Variants in NOVA2 observed in about 807,000 individuals in gnomAD.
NOVA2 encodes RNA-binding protein Nova-2.
Under a neutral mutation model 22.5 loss-of-function variants are expected in NOVA2, and 9 were observed. The observed-to-expected ratio is 0.40, with a 90% CI of 0.24 to 0.70. NOVA2 has a LOEUF of 0.70. Among genes scored for constraint, NOVA2 ranks in the 30% least tolerant of loss-of-function variants. The pLI is 0.38. For missense variants in NOVA2, 383 were observed against 682.8 expected (o/e 0.56, Z 4.89); for synonymous variants, 318 against 335.2 (o/e 0.95, Z 0.56).
At chr19:45,959,148 G>A (rs992857883) in intron 2 of NOVA2, among the ~76,000 whole-genome samples, 2 of 152,202 alleles carry the variant, frequency 1.3e-5, no homozygotes, top group African/African-American at 4.8e-5. Flanking sequence ...AGGGTGTCAC[G>A]CCAGGAGTGG....
At chr19:45,954,634 T>C (rs1600608714) in intron 2 of NOVA2, among the ~76,000 whole-genome samples, 1 of 151,714 alleles carries the variant, frequency 6.6e-6, no homozygotes, top group Non-Finnish European at 1.5e-5. Flanking sequence ...AGACTGCTCA[T>C]GGAGGAGTGA....
At position 45,939,793 on chromosome 19, in the gene NOVA2, G is replaced by C; in HGVS notation, c.*70C>G. ...CTACACCAAGCTGAGGTCAGGAGTT[G>C]GGGGGGAGGAGGAGAGGGAAGAGGA... On this transcript the variant is annotated 3_prime_UTR_variant, in exon 4 of 4. Coordinates refer to ENST00000263257, the MANE Select transcript of NOVA2 (RefSeq NM_002516.4). 6 of 1,570,500 alleles carry C rather than the reference G, an allele frequency of 3.8e-6. No homozygotes were observed. The South Asian group carries it at 5.7e-5, about 15-fold the overall frequency.
intron 1 of NOVA2, among the ~76,000 whole-genome samples, chr19:45,972,676 C>T (rs889798872): frequency 2.6e-5 from 4 of 152,226 alleles, no homozygotes; most frequent in African/African-American, 7.2e-5. Flanking sequence ...CACATACACA[C>T]ACACGCACAC....
intron 3 of NOVA2, among the ~76,000 whole-genome samples, chr19:45,946,263 C>T (rs1193904798): frequency 3.9e-5 from 6 of 152,094 alleles, no homozygotes; most frequent in African/African-American, 1.4e-4. Flanking sequence ...AATGGCATCA[C>T]TACACTCCAG....
intron 1 of NOVA2, among the ~76,000 whole-genome samples, chr19:45,969,322 T>C (rs1420377372): frequency 1.3e-5 from 2 of 151,572 alleles, no homozygotes; most frequent in Non-Finnish European, 2.9e-5. Context: ...CTGGGCAACA[T>C]AGCAAGACCC....
chr19:45,953,843 G>A lies in NOVA2; in HGVS notation c.333C>T (p.Thr111=). 1 of 1,614,224 alleles carries A rather than the reference G, an allele frequency of 6.2e-7. No individual in the cohort carries two copies. The highest frequency in any genetic ancestry group is 1.1e-5 in the South Asian group (1 of 91,084). ...EKVREIPQAM[T]KPEVVNILQP... Reference sequence around the variant, plus strand: ...GAAGGATGTTGACCACCTCAGGCTTGGTCATCGCTTGTGGGATTTCTCGGA... The same window carrying A: ...GAAGGATGTTGACCACCTCAGGCTTAGTCATCGCTTGTGGGATTTCTCGGA... The change falls in exon 3 of 4, where the codon ACC becomes ACT. Residue 111 remains threonine, a synonymous_variant. Coordinates refer to ENST00000263257, the MANE Select transcript of NOVA2 (RefSeq NM_002516.4).
chr19:45,953,112 G>A (rs1967950748), intron 3 of NOVA2, among the ~76,000 whole-genome samples: 2 of 152,212 alleles, frequency 1.3e-5, no homozygotes, highest in African/African-American at 4.8e-5. Flanking sequence ...AGCGCTGCCT[G>A]CAGCTTTGAG....
At chr19:45,948,599 C>CAAAAAAA (rs1227808626) in intron 3 of NOVA2, among the ~76,000 whole-genome samples, 7 of 72,600 alleles carry the variant, frequency 9.6e-5, no homozygotes, top group South Asian at 4.7e-4. Flanking sequence ...GACTCTGTCT[C>CAAAAAAA]AAAAAAAAAA....
intron 3 of NOVA2, among the ~76,000 whole-genome samples, chr19:45,945,959 C>A (rs1026504985): frequency 1.4e-5 from 2 of 139,388 alleles, no homozygotes; most frequent in Non-Finnish European, 3.0e-5. Context: ...GAGCCGAGAT[C>A]ATGCCACTGC....
chr19:45,964,694 G>A (rs1295629401), intron 1 of NOVA2, among the ~76,000 whole-genome samples: 1 of 151,848 alleles, frequency 6.6e-6, no homozygotes, highest in Non-Finnish European at 1.5e-5. Flanking sequence ...CCAAGTAGCT[G>A]GGACTACAGG....
Position 45,973,306 on chromosome 19 carries a change from G to A in NOVA2, c.46C>T (p.Pro16Ser). Reference sequence around the variant, plus strand: ...CGCTTGGTGCAGACCACCTCGGGGGGCGTTTCGAGGGGCCTCTTGCGGGAA... The same window carrying A: ...CGCTTGGTGCAGACCACCTCGGGGGACGTTTCGAGGGGCCTCTTGCGGGAA... ...PDSRKRPLET[P>S]PEVVCTKRSN... The change falls in exon 1 of 4, where the codon CCC becomes TCC. Residue 16 changes from proline (P) to serine (S), a missense_variant. This residue lies in a region of NOVA2 where 349 missense variants were observed against 578.1 expected (regional missense o/e 0.60). Coordinates refer to ENST00000263257, the MANE Select transcript of NOVA2 (RefSeq NM_002516.4). 7.5e-7 allele frequency: 1 copy of A among 1,335,298 alleles called. No individual in the cohort carries two copies. The highest frequency in any genetic ancestry group is 2.3e-5 in the South Asian group (1 of 44,052). 82.7% of individuals were successfully genotyped at this position (1,335,298 alleles called of 1,614,324 possible).
intron 1 of NOVA2, among the ~76,000 whole-genome samples, chr19:45,968,606 T>C (rs1968196057): frequency 2.0e-5 from 3 of 152,012 alleles, no homozygotes; most frequent in African/African-American, 7.3e-5. Context: ...ATGATGATGA[T>C]GATGATAGCG....
rs1967628092 is a variant in NOVA2 at position 45,934,224 on chromosome 19, G to A, written c.*5639C>T. On this transcript the variant is annotated 3_prime_UTR_variant, in exon 4 of 4. Coordinates refer to ENST00000263257, the MANE Select transcript of NOVA2 (RefSeq NM_002516.4). ...AGCCTGGAGAGGAGGCTACCTTAAG[G>A]TCCTAAGAAGGATTTAGCAATCGGT... 1 of 152,200 alleles carries A rather than the reference G, an allele frequency of 6.6e-6. No individual in the cohort carries two copies. Among genetic ancestry groups the A allele is most frequent in the Admixed American group, 6.5e-5 (1 of 15,268 alleles). 9.4% of individuals were successfully genotyped at this position (152,200 alleles called of 1,614,324 possible).
intron 1 of NOVA2, among the ~76,000 whole-genome samples, chr19:45,964,348 TTGTGTGTGTGTGTGTGTGTGTGTG>T (rs57818599): frequency 1.3e-4 from 16 of 119,570 alleles, no homozygotes; most frequent in East Asian, 5.0e-4. Flanking sequence ...CCCGGCTAAT[TTGTGTGTGTGTGTGTGTGTGTGTG>T]TGTGTGTGTG....
intron 1 of NOVA2, among the ~76,000 whole-genome samples, chr19:45,966,750 G>A (rs1230566960): frequency 6.6e-6 from 1 of 152,144 alleles, no homozygotes; most frequent in African/African-American, 2.4e-5. Context: ...GGAGGCACAT[G>A]CCTGTAATCC....
intron 3 of NOVA2, 43 bp from the exon 4 acceptor site, chr19:45,940,988 T>A (rs550762425): frequency 4.6e-5 from 69 of 1,505,410 alleles, no homozygotes; most frequent in South Asian, 2.3e-4. Context: ...TTTATTTTTT[T>A]AAAAAATTAA....
At chr19:45,944,475 C>A (rs1568662371) in intron 3 of NOVA2, among the ~76,000 whole-genome samples, 1 of 152,070 alleles carries the variant, frequency 6.6e-6, no homozygotes, top group Non-Finnish European at 1.5e-5. Context: ...AAAACAACAA[C>A]AAAGAAGCAA....
chr19:45,964,597 G>A (rs1305470990), intron 1 of NOVA2, among the ~76,000 whole-genome samples: 1 of 43,436 alleles, frequency 2.3e-5, no homozygotes, highest in African/African-American at 8.5e-5. Context: ...CTCTTTCTCT[G>A]TTGCCCAGGC....
At chr19:45,950,821 T>C (rs947719268) in intron 3 of NOVA2, among the ~76,000 whole-genome samples, 3 of 152,184 alleles carry the variant, frequency 2.0e-5, no homozygotes, top group Admixed American at 1.3e-4. Context: ...AACAGTTTAA[T>C]AGAGTAACTT....
Sources: allele counts gnomAD v4.1 joint callset (sites outside exome capture counted in the v4.1 genomes callset), GRCh38; gene constraint gnomAD v4.1.1; regional missense constraint gnomAD v4.1.1; transcripts MANE v1.5; gene names NCBI Gene and HGNC (gene_info 2026-07-23, HGNC 2026-07-21).